Variants in KHK observed in about 807,000 individuals in gnomAD.
KHK encodes fructokinase.
A neutral mutation model predicts 36.0 loss-of-function variants in KHK; 37 were observed. The ratio of observed to expected loss-of-function variants is 1.03; its 90% CI spans 0.79 to 1.35. The LOEUF is 1.35. Among genes scored for constraint, KHK ranks in the 40% most tolerant of loss-of-function variants. The probability of loss-of-function intolerance (pLI) is 0.00; values close to 1 mark genes in which losing one functional copy is unlikely to be tolerated. For synonymous variants in KHK, 161 were observed against 162.8 expected (o/e 0.99, Z 0.08); for missense variants, 395 against 391.9 (o/e 1.01, Z -0.07).
intron 2 of KHK, chr2:27,094,570 C>G (rs1166901670): frequency 6.2e-7 from 1 of 1,614,182 alleles, no homozygotes. Context: ...CGGTCATCAT[C>G]AACGAGGCCA....
At position 27,100,084 on chromosome 2, in the gene KHK, G is replaced by A. The variant is rs572596961; in HGVS notation, c.*334G>A. The A allele has an allele frequency of 1.7e-6, 1 of 599,344 alleles. No homozygotes were observed. Among genetic ancestry groups the A allele is most frequent in the Admixed American group, 2.9e-5 (1 of 34,164 alleles). The allele number at this position is 599,344 out of a possible 1,614,324, so 37.1% of individuals were successfully genotyped here. On this transcript the variant is annotated 3_prime_UTR_variant, in exon 8 of 8. Coordinates refer to ENST00000260598, the MANE Select transcript of KHK (RefSeq NM_006488.3). ...TTAACCTCTCCGCCCAGGCCCAGAGGAGGGGCTGCCTGGGCTAGAGCAGCG... is the reference window on the plus strand; with the variant it reads ...TTAACCTCTCCGCCCAGGCCCAGAGAAGGGGCTGCCTGGGCTAGAGCAGCG...
At chr2:27,088,044 GT>G (rs1669766096) in intron 1 of KHK, 1 of 149,228 alleles carries the variant, frequency 6.7e-6, no homozygotes, top group Admixed American at 6.7e-5. Context: ...CCGTTTAGTA[GT>G]GGGAAATATC....
At chr2:27,098,694 C>T (rs1318330287) in intron 5 of KHK, among the ~76,000 whole-genome samples, 1 of 152,098 alleles carries the variant, frequency 6.6e-6, no homozygotes, top group African/African-American at 2.4e-5. Context: ...TCTTTGTTTT[C>T]CAGATGAAGA....
In KHK at chr2:27,099,869, G is replaced by T. The variant is rs1306830937; in HGVS notation, c.*119G>T. 16 of 1,550,330 alleles carry T rather than the reference G, an allele frequency of 1.0e-5. No individual in the cohort carries two copies. Among genetic ancestry groups the T allele is most frequent in the Non-Finnish European group, 1.4e-5 (16 of 1,147,098 alleles). ...TTCAGGGGACAGATGCAAGCTGTGG[G>T]GAGGACTCTGCCTGTGTCCTGTGTT... On this transcript the variant is annotated 3_prime_UTR_variant, in exon 8 of 8. Transcript: ENST00000260598.
intron 2 of KHK, chr2:27,094,566 T>C: frequency 1.2e-6 from 2 of 1,614,160 alleles, no homozygotes; most frequent in Non-Finnish European, 1.7e-6. Flanking sequence ...GCCACGGTCA[T>C]CATCAACGAG....
intron 1 of KHK, among the ~76,000 whole-genome samples, chr2:27,089,608 G>A (rs558469631): frequency 2.6e-5 from 4 of 152,166 alleles, no homozygotes; most frequent in Non-Finnish European, 5.9e-5. Flanking sequence ...TTCTCTAAAG[G>A]GCCCCTTCCC....
At chr2:27,099,168 C>T (rs1469373098) in intron 5 of KHK, 28 bp from the exon 6 acceptor site, 1 of 1,608,852 alleles carries the variant, frequency 6.2e-7, no homozygotes, top group Non-Finnish European at 8.5e-7. Flanking sequence ...TTAGAAGTGA[C>T]CACCAGCTTC....
chr2:27,094,228 C>G, intron 2 of KHK: 5 of 558,254 alleles, frequency 9.0e-6, no homozygotes, highest in Non-Finnish European at 1.6e-5. Flanking sequence ...GAGTCAGGAT[C>G]GGAGCATGCT....
chr2:27,094,636 C>T (rs753540628), intron 2 of KHK, 164 bp from the exon 3 acceptor site: 23 of 1,613,968 alleles, frequency 1.4e-5, no homozygotes, highest in Non-Finnish European at 1.8e-5. Context: ...CTGTGCCTTG[C>T]CAGCTGCTGC....
intron 1 of KHK, among the ~76,000 whole-genome samples, chr2:27,089,278 C>G (rs1354645036): frequency 2.5e-5 from 2 of 81,496 alleles, no homozygotes; most frequent in Admixed American, 3.1e-4. Context: ...GTTAGGGCCC[C>G]TTGCCAGGGG....
chr2:27,097,690 ATTTGG>A, intron 5 of KHK, 41 bp downstream of exon 5: 1 of 1,613,588 alleles, frequency 6.2e-7, no homozygotes, highest in Non-Finnish European at 8.5e-7. Flanking sequence ...CTTCCAGCTA[ATTTGG>A]TTCTTAAAGG....
At chr2:27,088,132 A>G (rs2148329275) in intron 1 of KHK, 1 of 115,354 alleles carries the variant, frequency 8.7e-6, no homozygotes, top group South Asian at 2.6e-4. Context: ...TTTTTGAGAC[A>G]GGGTCTCATT....
chr2:27,100,169 A>C lies in KHK; in HGVS notation c.*419A>C. The C allele has an allele frequency of 2.1e-6, 1 of 477,892 alleles. No homozygotes were observed. The highest frequency in any genetic ancestry group is 3.8e-6 in the Non-Finnish European group (1 of 260,708). The allele number at this position is 477,892 out of a possible 1,614,324, so 29.6% of individuals were successfully genotyped here. ...GGCTGGGGAGGACACTCGGTGCCCC[A>C]CACCCAGTGAACCTGCCAAAGAAAC... On this transcript the variant is annotated 3_prime_UTR_variant, in exon 8 of 8. Transcript: ENST00000260598.
rs533090879 is a variant in KHK at position 27,097,527 on chromosome 2, A to G, written c.442A>G (p.Lys148Glu). ...IEGRNASEQVKMLQRIDAHNT... is the reference protein window; with the variant it reads ...IEGRNASEQVEMLQRIDAHNT... ...GGGCCGGAACGCATCGGAGCAGGTG[A>G]AGATGCTGCAGCGGATAGACGCACA... The change falls in exon 5 of 8, where the codon AAG (lysine) becomes GAG (glutamate). Residue 148 changes from lysine (K) to glutamate (E), a missense_variant. Transcript: ENST00000260598. 6.2e-7 allele frequency: 1 copy of G among 1,613,856 alleles called. No homozygotes were observed. The highest frequency in any genetic ancestry group is 1.1e-5 in the South Asian group (1 of 91,080).
In KHK at chr2:27,096,763, A is replaced by G; in HGVS notation, c.379A>G (p.Lys127Glu). 2 of 1,614,018 alleles carry G rather than the reference A, an allele frequency of 1.2e-6. No homozygotes were observed. The highest frequency in any genetic ancestry group is 1.7e-6 in the Non-Finnish European group (2 of 1,179,982). Residue 127 changes from lysine to glutamate, a missense_variant, in exon 4 of 8, where the codon AAG becomes GAG. Lys to Glu is a moderately conservative substitution (Grantham distance 56, BLOSUM62 1). Coordinates refer to ENST00000260598, the MANE Select transcript of KHK (RefSeq NM_006488.3). ...AGATGTGTCTGCTACAGACTTTGAG[A>G]AGGTTGATCTGACCCAGTTCAAGTG... is the stretch of plus-strand genomic sequence containing the variant. The part of the protein sequence containing the change: ...LPDVSATDFE[K>E]VDLTQFKWIH...
intron 3 of KHK, among the ~76,000 whole-genome samples, chr2:27,095,920 A>C (rs931317774): frequency 2.6e-5 from 4 of 152,270 alleles, no homozygotes; most frequent in African/African-American, 9.6e-5. Flanking sequence ...AGCTATTTAC[A>C]GGAGAGGAGC....
At chr2:27,097,326 G>A (rs1670417080) in intron 4 of KHK, among the ~76,000 whole-genome samples, 177 bp from the exon 5 acceptor site, 1 of 152,164 alleles carries the variant, frequency 6.6e-6, no homozygotes, top group African/African-American at 2.4e-5. Context: ...GGAGTAGCTG[G>A]TTGATAAGGT....
rs1265045186 is a variant in KHK, at chr2:27,099,938, GCCTCAGAGCAAATAAATCTT to G, written c.*198_*217del. On this transcript the variant is annotated 3_prime_UTR_variant, in exon 8 of 8. Coordinates refer to ENST00000260598, the MANE Select transcript of KHK (RefSeq NM_006488.3). Reference sequence around the variant, plus strand: ...TGGGGGGATGGCTGGGGGATGCAGAGCCTCAGAGCAAATAAATCTTCCTCAGAGCCAGCTTCTCCTCTCAA... The same window carrying G: ...TGGGGGGATGGCTGGGGGATGCAGAGCCTCAGAGCCAGCTTCTCCTCTCAA... The G allele has an allele frequency of 6.2e-6, 8 of 1,295,046 alleles. No homozygotes were observed. The highest frequency in any genetic ancestry group is 1.5e-5 in the African/African-American group (1 of 67,892). 80.2% of individuals were successfully genotyped at this position (1,295,046 alleles called of 1,614,324 possible). A position where few individuals can be genotyped will look rare whatever the true frequency, so the allele number is the denominator to read the frequency against.
At position 27,094,823 on chromosome 2, in the gene KHK, G is replaced by T; in HGVS notation, c.233G>T (p.Arg78Leu). ...VADFLVADFR[R>L]RGVDVSQVAW... ...AGCTTCCTGGTGGCCGACTTCAGGC[G>T]GCGGGGCGTGGACGTGTCTCAGGTG... The change falls in exon 3 of 8, where the codon CGG (arginine) becomes CTG (leucine). Residue 78 changes from arginine (R) to leucine (L), a missense_variant. Arg to Leu is a moderately radical substitution (Grantham distance 102, BLOSUM62 -2). Coordinates refer to ENST00000260598, the MANE Select transcript of KHK (RefSeq NM_006488.3). 6.2e-7 allele frequency: 1 copy of T among 1,614,030 alleles called. No homozygotes were observed. Among genetic ancestry groups the T allele is most frequent in the Non-Finnish European group, 8.5e-7 (1 of 1,180,048 alleles).
Sources: gnomAD v4.1 joint callset for allele counts (sites outside exome capture counted in the v4.1 genomes callset) on GRCh38, gnomAD v4.1.1 for gene constraint, MANE v1.5 for transcripts, NCBI Gene and HGNC (gene_info 2026-07-23, HGNC 2026-07-21) for gene names.